The following C8orf82 variants were observed in gnomAD, a reference collection of about 807,000 sequenced individuals.
C8orf82 encodes chromosome 8 open reading frame 82, also known as UPF0598 protein C8orf82.
Under a neutral mutation model 15.0 loss-of-function variants are expected in C8orf82, and 24 were observed. The ratio of observed to expected loss-of-function variants is 1.60; its 90% CI spans 1.16 to 2.24. The LOEUF (loss-of-function observed/expected upper bound fraction) is 2.24. Ranked by LOEUF, C8orf82 falls within the 30% of genes most tolerant of loss-of-function variation. The pLI is 0.00. For missense variants in C8orf82, 388 were observed against 317.4 expected, an observed-to-expected ratio of 1.22 and a Z score of -1.69; for synonymous variants, 205 against 152.2, an observed-to-expected ratio of 1.35 and a Z score of -2.55.
At chr8:144,527,823 G>A (rs1311562524) in intron 2 of C8orf82, 36 bp from the exon 3 acceptor site, 2 of 1,584,380 alleles carry the variant, frequency 1.3e-6, no homozygotes, top group East Asian at 2.3e-5. Context: ...CAGCGCGCTG[G>A]GCTCCCAAGG....
intron 1 of C8orf82, chr8:144,528,357 C>G (rs1197666300): frequency 6.6e-7 from 1 of 1,506,114 alleles, no homozygotes; most frequent in Non-Finnish European, 8.9e-7. Flanking sequence ...GCGGAGACTA[C>G]CTGGCCTGCT....
chr8:144,528,301 C>T lies in C8orf82; in HGVS notation c.157-229G>A. The T allele has an allele frequency of 3.3e-6, 5 of 1,510,680 alleles. No individual in the cohort carries two copies. The African/African-American group carries it at 6.9e-5, about 21-fold the overall frequency. The allele number at this position is 1,510,680 out of a possible 1,614,324, so 93.6% of individuals were successfully genotyped here. A position where few individuals can be genotyped will look rare whatever the true frequency, so the allele number is the denominator to read the frequency against. On this transcript the variant is annotated intron_variant, in intron 1 of 2. Coordinates refer to ENST00000524821, the MANE Select transcript of C8orf82 (RefSeq NM_001001795.2). ...CCTGGTCAGCCAATTCTTTCCCGCA[C>T]CTTTTCCCTCTTTTCAAGTTTGTAA...
At position 144,527,518 on chromosome 8, in the gene C8orf82, G is replaced by A. The variant is rs1321005373; in HGVS notation, c.475C>T (p.Pro159Ser). The change falls in exon 3 of 3, where the codon CCG becomes TCG. Residue 159 changes from proline to serine, a missense_variant. Pro to Ser is a moderately conservative substitution (Grantham distance 74). Coordinates refer to ENST00000524821, the MANE Select transcript of C8orf82 (RefSeq NM_001001795.2). ...AANGRLYHPA[P>S]ERAGGVGLVR... ...AGGCCCACGCCGCCCGCACGCTCCG[G>A]CGCCGGGTGGTACAGGCGCCCGTTG... 7.4e-7 allele frequency: 1 copy of A among 1,346,166 alleles called. No individual in the cohort carries two copies. 83.4% of individuals were successfully genotyped at this position (1,346,166 alleles called of 1,614,324 possible). A position where few individuals can be genotyped will look rare whatever the true frequency, so the allele number is the denominator to read the frequency against.
Position 144,527,464 on chromosome 8 carries a change from T to C in C8orf82, c.529A>G (p.Ser177Gly). ...CCGGGCCCGTACTCGAAGCAGGCGC[T>C]GAGCTCGAAGGCCAGGGCGGAGCGC... ...LVRSALAFEL[S>G]ACFEYGPGAP... The change falls in exon 3 of 3, where the codon AGC (serine) becomes GGC (glycine). Residue 177 changes from serine (S) to glycine (G), a missense_variant. Transcript: ENST00000524821. 1 of 1,247,010 alleles carries C rather than the reference T, an allele frequency of 8.0e-7. No individual in the cohort carries two copies. The highest frequency in any genetic ancestry group is 1.0e-6 in the Non-Finnish European group (1 of 994,296). The allele number at this position is 1,247,010 out of a possible 1,614,324, so 77.2% of individuals were successfully genotyped here. A position where few individuals can be genotyped will look rare whatever the true frequency, so the allele number is the denominator to read the frequency against.
At chr8:144,528,454 C>T in intron 1 of C8orf82, 2 of 1,477,300 alleles carry the variant, frequency 1.4e-6, no homozygotes, top group Non-Finnish European at 1.8e-6. Flanking sequence ...GGCGAGAAGT[C>T]AGCGCCGGGG....
chr8:144,527,742 C>A lies in C8orf82; in HGVS notation c.251G>T (p.Arg84Leu), dbSNP rs1225937051. The A allele has an allele frequency of 6.3e-7, 1 of 1,593,618 alleles. No individual in the cohort carries two copies. Among genetic ancestry groups the A allele is most frequent in the Non-Finnish European group, 8.5e-7 (1 of 1,177,096 alleles). The change falls in exon 3 of 3, where the codon CGC becomes CTC. Residue 84 changes from arginine (R) to leucine (L), a missense_variant. Coordinates refer to ENST00000524821, the MANE Select transcript of C8orf82 (RefSeq NM_001001795.2). ...VTFFSRLRPN[R>L]SGRYEAAFPF... The stretch of plus-strand genomic sequence containing the variant: ...GAAAGCGGCCTCGTAGCGCCCGCTG[C>A]GGTTGGGTCTCAGGCGGGAGAAGAA...
At chr8:144,528,540 AC>A (rs1363611061) in intron 1 of C8orf82, 3 of 1,343,554 alleles carry the variant, frequency 2.2e-6, no homozygotes, top group Non-Finnish European at 2.9e-6. Context: ...CTCGGCCCGG[AC>A]CGACCCAACT....
rs781361076 is a variant in C8orf82, at chr8:144,527,622, G to A, written c.371C>T (p.Pro124Leu). The A allele has an allele frequency of 2.6e-5, 40 of 1,531,584 alleles. No individual in the cohort carries two copies. In the South Asian group the frequency reaches 4.8e-4, roughly 18 times the overall value. The allele number at this position is 1,531,584 out of a possible 1,614,324, so 94.9% of individuals were successfully genotyped here. The stretch of plus-strand genomic sequence containing the variant: ...ACCGCCGCAGTAGGAGAGGCGCGGA[G>A]GCCCGTGGTCCGCGGTCAGCAGGTG... ...FTHLLTADHGPPRLSYCGGGE... is the reference protein window; with the variant it reads ...FTHLLTADHGLPRLSYCGGGE... Residue 124 changes from proline to leucine, a missense_variant, in exon 3 of 3, where the codon CCT becomes CTT. Coordinates refer to ENST00000524821, the MANE Select transcript of C8orf82 (RefSeq NM_001001795.2).
Position 144,527,517 on chromosome 8 carries a change from G to GC in C8orf82, c.475_476insG (p.Pro159ArgfsTer94). The GC allele has an allele frequency of 7.5e-7, 1 of 1,341,214 alleles. No homozygotes were observed. Among genetic ancestry groups the GC allele is most frequent in the Non-Finnish European group, 9.5e-7 (1 of 1,050,890 alleles). 83.1% of individuals were successfully genotyped at this position (1,341,214 alleles called of 1,614,324 possible). The stretch of plus-strand genomic sequence containing the variant: ...CAGGCCCACGCCGCCCGCACGCTCC[G>GC]GCGCCGGGTGGTACAGGCGCCCGTT... On this transcript the variant is annotated frameshift_variant, in exon 3 of 3. Coordinates refer to ENST00000524821, the MANE Select transcript of C8orf82 (RefSeq NM_001001795.2). LOFTEE classifies it high-confidence loss of function.
At position 144,527,659 on chromosome 8, in the gene C8orf82, C is replaced by T; in HGVS notation, c.334G>A (p.Val112Met). ...RNFLRCEDRP[V>M]VFTHLLTADH... ...GCGGTCAGCAGGTGCGTGAAGACCACCGGCCGGTCCTCGCAGCGCAGGAAG... is the reference window on the plus strand; with the variant it reads ...GCGGTCAGCAGGTGCGTGAAGACCATCGGCCGGTCCTCGCAGCGCAGGAAG... The change falls in exon 3 of 3, where the codon GTG becomes ATG. Residue 112 changes from valine to methionine, a missense_variant. Val to Met is a conservative substitution (Grantham distance 21). Transcript: ENST00000524821. 3 of 1,552,008 alleles carry T rather than the reference C, an allele frequency of 1.9e-6. No individual in the cohort carries two copies. Among genetic ancestry groups the T allele is most frequent in the East Asian group, 2.4e-5 (1 of 41,990 alleles).
chr8:144,527,718 A>G lies in C8orf82; in HGVS notation c.275T>C (p.Phe92Ser). 6.3e-7 allele frequency: 1 copy of G among 1,591,044 alleles called. No individual in the cohort carries two copies. Among genetic ancestry groups the G allele is most frequent in the Admixed American group, 1.7e-5 (1 of 59,076 alleles). Residue 92 changes from phenylalanine (F) to serine (S), a missense_variant, in exon 3 of 3, where the codon TTC becomes TCC. Physicochemically the swap from Phe to Ser is radical, Grantham distance 155 (BLOSUM62 -2). Coordinates refer to ENST00000524821, the MANE Select transcript of C8orf82 (RefSeq NM_001001795.2). Reference protein sequence around the residue: ...PNRSGRYEAAFPFLSPCGRER... With the variant: ...PNRSGRYEAASPFLSPCGRER... Reference sequence around the variant, plus strand: ...TCTGCCGCAGGGCGAGAGGAAGGGGAAAGCGGCCTCGTAGCGCCCGCTGCG... The same window carrying G: ...TCTGCCGCAGGGCGAGAGGAAGGGGGAAGCGGCCTCGTAGCGCCCGCTGCG...
At chr8:144,527,998 G>A (rs1329358099) in intron 2 of C8orf82, 26 bp downstream of exon 2, 2 of 1,610,412 alleles carry the variant, frequency 1.2e-6, no homozygotes, top group South Asian at 2.2e-5. Flanking sequence ...AGAAAGAAGG[G>A]GCTGGAGAGG....
At position 144,527,320 on chromosome 8, in the gene C8orf82, C is replaced by T; in HGVS notation, c.*22G>A. 8.6e-7 allele frequency: 1 copy of T among 1,162,394 alleles called. No homozygotes were observed. Among genetic ancestry groups the T allele is most frequent in the Non-Finnish European group, 1.1e-6 (1 of 941,854 alleles). The allele number at this position is 1,162,394 out of a possible 1,614,324, so 72.0% of individuals were successfully genotyped here. A position where few individuals can be genotyped will look rare whatever the true frequency, so the allele number is the denominator to read the frequency against. ...GCGGGGCGAGAGGCGCCCGCGGCCTCCCGCCTTTCCCTTGGCCCCGCTCAG... is the reference window on the plus strand; with the variant it reads ...GCGGGGCGAGAGGCGCCCGCGGCCTTCCGCCTTTCCCTTGGCCCCGCTCAG... On this transcript the variant is annotated 3_prime_UTR_variant, in exon 3 of 3. Coordinates refer to ENST00000524821, the MANE Select transcript of C8orf82 (RefSeq NM_001001795.2).
chr8:144,528,363 C>T (rs1282410344), intron 1 of C8orf82: 1 of 1,504,342 alleles, frequency 6.6e-7, no homozygotes, highest in Non-Finnish European at 8.9e-7. Flanking sequence ...ACTACCTGGC[C>T]TGCTGCCTCC....
chr8:144,527,873 G>T, intron 2 of C8orf82, 86 bp from the exon 3 acceptor site: 2 of 1,538,220 alleles, frequency 1.3e-6, no homozygotes, highest in South Asian at 1.1e-5. Context: ...GGCGCCGACG[G>T]TAAGAGGTTC....
At position 144,526,310 on chromosome 8, in the gene C8orf82, TGGG is replaced by T. The variant is rs1304777475; in HGVS notation, c.*1029_*1031del. The T allele has an allele frequency of 3.3e-5, 5 of 152,204 alleles. No homozygotes were observed. Among genetic ancestry groups the T allele is most frequent in the South Asian group, 2.1e-4 (1 of 4,828 alleles). 9.4% of individuals were successfully genotyped at this position (152,204 alleles called of 1,614,324 possible). A position where few individuals can be genotyped will look rare whatever the true frequency, so the allele number is the denominator to read the frequency against. ...AGGACGCGTGTGAACCCCAAGAAGTTGGGGGCGTTATCTGGGCCCTTGGGATCC... is the reference window on the plus strand; with the variant it reads ...AGGACGCGTGTGAACCCCAAGAAGTTGGCGTTATCTGGGCCCTTGGGATCC... On this transcript the variant is annotated 3_prime_UTR_variant, in exon 3 of 3. Transcript: ENST00000524821.
At position 144,526,817 on chromosome 8, in the gene C8orf82, CTCAGGGAGGGCGTGG is replaced by C. The variant is rs1816380134; in HGVS notation, c.*510_*524del. ...GAGAGCCGGTTGATTTTCGGCCGGG[CTCAGGGAGGGCGTGG>C]CCTCCGCGTTCCCCATCCCCCTCCA... On this transcript the variant is annotated 3_prime_UTR_variant, in exon 3 of 3. Transcript: ENST00000524821. The C allele has an allele frequency of 6.6e-6, 1 of 152,262 alleles. No homozygotes were observed. Among genetic ancestry groups the C allele is most frequent in the Admixed American group, 6.5e-5 (1 of 15,286 alleles). The allele number at this position is 152,262 out of a possible 1,614,324, so 9.4% of individuals were successfully genotyped here. A position where few individuals can be genotyped will look rare whatever the true frequency, so the allele number is the denominator to read the frequency against.
chr8:144,528,516 G>A, intron 1 of C8orf82: 2 of 1,405,854 alleles, frequency 1.4e-6, no homozygotes, highest in Non-Finnish European at 1.9e-6. Context: ...CAGGGACGCG[G>A]CCCATGTAGG....
rs748626709 is a variant in C8orf82, at chr8:144,529,004, G to A, written c.-88C>T. 5.3e-6 allele frequency: 7 copies of A among 1,321,656 alleles called. No homozygotes were observed. In the South Asian group the frequency reaches 1.1e-4, roughly 20 times the overall value. 81.9% of individuals were successfully genotyped at this position (1,321,656 alleles called of 1,614,324 possible). ...CCTGCCCGCAGTAGCCCCGCGCTTC[G>A]CGTTCCGGCGGCGCCCGCCTCCGCG... On this transcript the variant is annotated 5_prime_UTR_variant, in exon 1 of 3. Coordinates refer to ENST00000524821, the MANE Select transcript of C8orf82 (RefSeq NM_001001795.2).
Sources: gnomAD v4.1 joint callset for allele counts on GRCh38, gnomAD v4.1.1 for gene constraint, MANE v1.5 for transcripts, NCBI Gene and HGNC (gene_info 2026-07-23, HGNC 2026-07-21) for gene names.